TYW1: variants seen among roughly 807,000 people sequenced by gnomAD.
The protein encoded by TYW1 is S-adenosyl-L-methionine-dependent tRNA 4-demethylwyosine synthase TYW1.
Under a neutral mutation model 96.2 loss-of-function variants are expected in TYW1, and 46 were observed. The observed-to-expected ratio is 0.48, with a 90% CI of 0.38 to 0.61. The LOEUF (loss-of-function observed/expected upper bound fraction) is 0.61, where lower values mean the gene tolerates loss of function less well. TYW1 is among the 20% of genes least tolerant of loss of function. The pLI is 0.00. For synonymous variants in TYW1, 274 were observed against 323.0 expected (o/e 0.85, Z 1.63); for missense variants, 684 against 909.6 (o/e 0.75, Z 3.19).
At chr7:67,010,149 AT>A (rs1048374476) in intron 4 of TYW1, among the ~76,000 whole-genome samples, 1 of 150,840 alleles carries the variant, frequency 6.6e-6, no homozygotes, top group Non-Finnish European at 1.5e-5. Context: ...TGCCCAGCTA[AT>A]TTTTTTTGTG....
rs374448696 is a variant in TYW1 at position 67,062,292 on chromosome 7, G to A, written c.1156-4993G>A. Among the ~76,000 whole-genome samples the A allele has an allele frequency of 1.5e-4, 23 of 151,816 alleles. No individual in the cohort carries two copies. In the East Asian group the frequency reaches 1.5e-3, roughly 10 times the overall value. Reference sequence around the variant, plus strand: ...GGCGTAGTGGTGGGCGCCTGTAGTCGCAGCTACTCAGGAGGCTGAGGCAGA... The same window carrying A: ...GGCGTAGTGGTGGGCGCCTGTAGTCACAGCTACTCAGGAGGCTGAGGCAGA... On this transcript the variant is annotated intron_variant, in intron 9 of 15. Coordinates refer to ENST00000359626, the MANE Select transcript of TYW1 (RefSeq NM_018264.4).
At chr7:67,072,324 G>A (rs1220167850) in intron 10 of TYW1, among the ~76,000 whole-genome samples, 3 of 146,076 alleles carry the variant, frequency 2.1e-5, no homozygotes, top group East Asian at 2.0e-4. Flanking sequence ...TTGGCTCACC[G>A]CAACCTCCAC....
At chr7:67,136,685 G>A (rs12536874) in intron 13 of TYW1, among the ~76,000 whole-genome samples, 25,540 of 121,324 alleles carry the variant, frequency 0.21, 2,710 homozygotes, top group East Asian at 0.35. Context: ...GTGTGTGTGT[G>A]TATATATATA....
At chr7:67,164,338 T>TAA (rs1799256722) in intron 13 of TYW1, among the ~76,000 whole-genome samples, 1 of 152,108 alleles carries the variant, frequency 6.6e-6, no homozygotes, top group Non-Finnish European at 1.5e-5. Flanking sequence ...AGCCAGGTGT[T>TAA]ATAGCTAATG....
intron 13 of TYW1, among the ~76,000 whole-genome samples, chr7:67,134,945 CAAA>C (rs55746054): frequency 1.2e-3 from 77 of 66,354 alleles, no homozygotes; most frequent in African/African-American, 4.1e-3. Context: ...CTTTCTCTAC[CAAA>C]AAAAAAAAAA....
chr7:67,035,841 C>A (rs907111093), intron 7 of TYW1, among the ~76,000 whole-genome samples: 6 of 151,788 alleles, frequency 4.0e-5, no homozygotes, highest in Non-Finnish European at 8.8e-5. Flanking sequence ...CCATGCCCAG[C>A]TAATTTTTTG....
chr7:67,044,887 T>C (rs1056797017), intron 7 of TYW1, among the ~76,000 whole-genome samples: 41 of 152,168 alleles, frequency 2.7e-4, no homozygotes, highest in Non-Finnish European at 4.4e-5. Context: ...CCCAAAGTGC[T>C]AGGATTACAG....
chr7:67,061,928 AT>A (rs1795708605), intron 9 of TYW1, among the ~76,000 whole-genome samples: 1 of 152,220 alleles, frequency 6.6e-6, no homozygotes, highest in Non-Finnish European at 1.5e-5. Flanking sequence ...ATCGTCATTA[AT>A]TACTTAATTT....
In TYW1 at chr7:67,196,678, T is replaced by C. The variant is rs1800405623; in HGVS notation, c.1977+1341T>C. ...CTCCCTCTAGTCCATTGATCTTTTT[T>C]ATAATACAAGGCATCTTTCAAAACC... On this transcript the variant is annotated intron_variant, in intron 15 of 15. Coordinates refer to ENST00000359626, the MANE Select transcript of TYW1 (RefSeq NM_018264.4). 3.3e-5 allele frequency among the ~76,000 whole-genome samples: 5 copies of C among 151,702 alleles called. No individual in the cohort carries two copies. The South Asian group carries it at 1.0e-3, about 32-fold the overall frequency.
At position 67,032,305 on chromosome 7, in the gene TYW1, C is replaced by T. The variant is rs149297529; in HGVS notation, c.984+7283C>T. On this transcript the variant is annotated intron_variant, in intron 7 of 15. Coordinates refer to ENST00000359626, the MANE Select transcript of TYW1 (RefSeq NM_018264.4). The stretch of plus-strand genomic sequence containing the variant: ...TCTCCGTAGGGTTTGGGAGCAGCTG[C>T]GGGGAGGCAGGACAGATAAACAGAA... Among the ~76,000 whole-genome samples, 753 of 151,880 alleles carry T rather than the reference C, an allele frequency of 5.0e-3. 4 individuals are homozygous for T. The highest frequency in any genetic ancestry group is 0.017 in the African/African-American group (693 of 41,428).
At chr7:67,135,851 T>C (rs1034529478) in intron 13 of TYW1, among the ~76,000 whole-genome samples, 2 of 152,166 alleles carry the variant, frequency 1.3e-5, no homozygotes, top group Non-Finnish European at 2.9e-5. Flanking sequence ...GAACTAAATA[T>C]AGTGTACAGC....
At chr7:67,021,510 G>C (rs932246919) in intron 6 of TYW1, among the ~76,000 whole-genome samples, 1 of 152,272 alleles carries the variant, frequency 6.6e-6, no homozygotes, top group Non-Finnish European at 1.5e-5. Flanking sequence ...CTCAGGTATC[G>C]TCTCATTCGG....
intron 3 of TYW1, among the ~76,000 whole-genome samples, chr7:66,999,541 T>A (rs1793307451): frequency 6.6e-6 from 1 of 152,086 alleles, no homozygotes; most frequent in Non-Finnish European, 1.5e-5. Context: ...TTAGTAGAGA[T>A]GGGTGTTTTG....
At chr7:67,153,125 G>A (rs1798855646) in intron 13 of TYW1, among the ~76,000 whole-genome samples, 1 of 152,170 alleles carries the variant, frequency 6.6e-6, no homozygotes, top group South Asian at 2.1e-4. Context: ...TCTTCCTAAT[G>A]ATTAAGGTAA....
intron 12 of TYW1, among the ~76,000 whole-genome samples, chr7:67,101,607 C>A (rs1797090577): frequency 6.6e-6 from 1 of 152,040 alleles, no homozygotes; most frequent in Non-Finnish European, 1.5e-5. Context: ...CCTCCGCCTC[C>A]CAGATTCAAG....
chr7:67,025,173 T>C (rs2129247027), intron 7 of TYW1, 151 bp downstream of exon 7: 1 of 1,338,572 alleles, frequency 7.5e-7, no homozygotes, highest in Non-Finnish European at 1.0e-6. Context: ...TTGCCATTTT[T>C]CATGAGCGTG....
chr7:67,116,750 A>C (rs1160670502), intron 12 of TYW1, among the ~76,000 whole-genome samples: 1 of 152,172 alleles, frequency 6.6e-6, no homozygotes, highest in East Asian at 1.9e-4. Flanking sequence ...GTAGGTAGGA[A>C]TGAAATTATG....
Position 66,998,115 on chromosome 7 carries a change from A to G in TYW1, c.55A>G (p.Ile19Val). The G allele has an allele frequency of 1.2e-6, 2 of 1,612,322 alleles. No individual in the cohort carries two copies. Among genetic ancestry groups the G allele is most frequent in the Non-Finnish European group, 1.7e-6 (2 of 1,179,612 alleles). The stretch of plus-strand genomic sequence containing the variant: ...CTTCTCACCTTTAATATCATTATGG[A>G]TAAACAGGTTTTACATTTATTTGGG... ...DLFSPLISLW[I>V]NRFYIYLGFA... Residue 19 changes from isoleucine (I) to valine (V), a missense_variant, in exon 2 of 16, where the codon ATA (isoleucine) becomes GTA (valine). Coordinates refer to ENST00000359626, the MANE Select transcript of TYW1 (RefSeq NM_018264.4).
At chr7:67,182,692 G>A (rs552838221) in intron 13 of TYW1, among the ~76,000 whole-genome samples, 7 of 152,302 alleles carry the variant, frequency 4.6e-5, no homozygotes, top group African/African-American at 1.4e-4. Flanking sequence ...AAATAATGAG[G>A]GAGTAGGAAA....
Sources: allele counts gnomAD v4.1 joint callset (sites outside exome capture counted in the v4.1 genomes callset), GRCh38; gene constraint gnomAD v4.1.1; transcripts MANE v1.5; gene names NCBI Gene and HGNC (gene_info 2026-07-23, HGNC 2026-07-21).